ANKFN1: variants seen among roughly 807,000 people sequenced by gnomAD.
ANKFN1 encodes the protein ankyrin repeat and fibronectin type-III domain-containing protein 1.
A neutral mutation model predicts 108.7 loss-of-function variants in ANKFN1; 74 were observed. That is an observed-to-expected ratio of 0.68 (90% CI 0.56 to 0.83). ANKFN1 has a LOEUF of 0.83. ANKFN1 is among the 40% of genes least tolerant of loss of function. The probability of loss-of-function intolerance (pLI) is 0.00; values close to 1 mark genes in which losing one functional copy is unlikely to be tolerated. For synonymous variants in ANKFN1, 547 were observed against 516.2 expected (o/e 1.06, Z -0.81); for missense variants, 1,505 against 1,382.3 (o/e 1.09, Z -1.41).
intron 3 of ANKFN1, among the ~76,000 whole-genome samples, chr17:56,319,557 TC>T (rs2045305251): frequency 1.3e-5 from 2 of 152,104 alleles, no homozygotes; most frequent in Admixed American, 1.3e-4. Context: ...CGCACTACAG[TC>T]CAGATATCCC....
At chr17:56,136,381 G>C (rs1020249681) in intron 4 of ANKFN1, among the ~76,000 whole-genome samples, 1 of 152,192 alleles carries the variant, frequency 6.6e-6, no homozygotes, top group African/African-American at 2.4e-5. Context: ...GCTAGAGACA[G>C]TGTTGAAGAG....
At chr17:56,262,999 T>C (rs1874793252) in intron 3 of ANKFN1, among the ~76,000 whole-genome samples, 1 of 152,228 alleles carries the variant, frequency 6.6e-6, no homozygotes, top group African/African-American at 2.4e-5. Context: ...TGTACATTTG[T>C]GCTCGAATGA....
At chr17:56,310,239 A>T (rs1391642011) in intron 3 of ANKFN1, among the ~76,000 whole-genome samples, 3 of 152,264 alleles carry the variant, frequency 2.0e-5, no homozygotes, top group African/African-American at 7.2e-5. Context: ...TTACCATTTA[A>T]TATTTCCAGA....
At chr17:56,297,916 AC>A (rs2044559539) in intron 3 of ANKFN1, among the ~76,000 whole-genome samples, 1 of 152,206 alleles carries the variant, frequency 6.6e-6, no homozygotes, top group Non-Finnish European at 1.5e-5. Context: ...TAGAAAATAT[AC>A]TTTTATGTAA....
At chr17:56,319,594 A>G (rs1332271304) in intron 3 of ANKFN1, among the ~76,000 whole-genome samples, 1 of 152,218 alleles carries the variant, frequency 6.6e-6, no homozygotes, top group Non-Finnish European at 1.5e-5. Flanking sequence ...TTGAGGTCCA[A>G]TTAGCCACCA....
chr17:56,057,773 A>G (rs1305434452), intron 4 of ANKFN1, among the ~76,000 whole-genome samples: 1 of 110,114 alleles, frequency 9.1e-6, no homozygotes, highest in Non-Finnish European at 1.9e-5. Context: ...CAACAGAGTG[A>G]AACTCTGTCT....
At chr17:56,303,777 C>G (rs184089015) in intron 3 of ANKFN1, among the ~76,000 whole-genome samples, 1 of 151,678 alleles carries the variant, frequency 6.6e-6, no homozygotes, top group Non-Finnish European at 1.5e-5. Context: ...CTCCACCTCC[C>G]GGGTTCAAGT....
chr17:56,214,875 T>A (rs1038823907), intron 2 of ANKFN1, among the ~76,000 whole-genome samples: 1 of 152,182 alleles, frequency 6.6e-6, no homozygotes, highest in Non-Finnish European at 1.5e-5. Flanking sequence ...AAACAAATAA[T>A]ATACAGCTAT....
intron 4 of ANKFN1, among the ~76,000 whole-genome samples, chr17:56,079,020 C>G (rs932029898): frequency 6.6e-6 from 1 of 152,128 alleles, no homozygotes; most frequent in African/African-American, 2.4e-5. Context: ...GCAGAAGACT[C>G]CATCCAAGTT....
At chr17:56,223,336 A>G (rs775451133) in intron 2 of ANKFN1, among the ~76,000 whole-genome samples, 22 of 152,316 alleles carry the variant, frequency 1.4e-4, no homozygotes, top group Non-Finnish European at 2.4e-4. Context: ...ACTTTATTTA[A>G]GTGGGTTTTT....
chr17:56,234,345 T>G (rs1452958890), intron 3 of ANKFN1, among the ~76,000 whole-genome samples: 4 of 77,238 alleles, frequency 5.2e-5, no homozygotes, highest in African/African-American at 1.7e-4. Context: ...CCTTTGGGGT[T>G]TTTTTTTTTA....
chr17:56,074,190 T>G (rs1206428996), intron 4 of ANKFN1, among the ~76,000 whole-genome samples: 1 of 152,176 alleles, frequency 6.6e-6, no homozygotes, highest in Non-Finnish European at 1.5e-5. Flanking sequence ...ATGCAGGGAT[T>G]TTAGTGGCAT....
intron 3 of ANKFN1, among the ~76,000 whole-genome samples, chr17:56,229,702 G>A (rs900763269): frequency 6.7e-6 from 1 of 149,050 alleles, no homozygotes; most frequent in Non-Finnish European, 1.5e-5. Flanking sequence ...GGGTTGGGGG[G>A]TGGCTATTTT....
At chr17:56,401,416 G>C (rs539814327) in intron 8 of ANKFN1, among the ~76,000 whole-genome samples, 27 of 150,852 alleles carry the variant, frequency 1.8e-4, no homozygotes, top group Non-Finnish European at 3.4e-4. Context: ...GTGTTGTACT[G>C]TATTGTATTA....
intron 8 of ANKFN1, among the ~76,000 whole-genome samples, chr17:56,378,602 C>G (rs557096811): frequency 6.6e-6 from 1 of 152,114 alleles, no homozygotes. Flanking sequence ...TGAAGTGATA[C>G]AATTCCACAA....
chr17:56,435,778 A>G (rs1326177300), intron 8 of ANKFN1, among the ~76,000 whole-genome samples: 1 of 151,928 alleles, frequency 6.6e-6, no homozygotes, highest in East Asian at 1.9e-4. Context: ...AATAAAAATT[A>G]ATTAGGCATT....
At chr17:56,065,051 C>T (rs1057492362) in intron 4 of ANKFN1, among the ~76,000 whole-genome samples, 1 of 152,170 alleles carries the variant, frequency 6.6e-6, no homozygotes, top group Non-Finnish European at 1.5e-5. Flanking sequence ...GCTGCCTAGT[C>T]AGTTCTGAGG....
At chr17:56,156,312 T>G (rs1909113297) in intron 1 of ANKFN1, among the ~76,000 whole-genome samples, 1 of 152,184 alleles carries the variant, frequency 6.6e-6, no homozygotes. Flanking sequence ...TGTCTCAAAC[T>G]CCTGGCCTCA....
chr17:56,409,982 T>TA (rs946931504), intron 8 of ANKFN1, among the ~76,000 whole-genome samples: 4 of 152,102 alleles, frequency 2.6e-5, no homozygotes, highest in South Asian at 2.1e-4. Context: ...ATAATTTTTT[T>TA]AAAAAAACTG....
Sources: allele counts gnomAD v4.1 joint callset (sites outside exome capture counted in the v4.1 genomes callset), GRCh38; gene constraint gnomAD v4.1.1; transcripts MANE v1.5; gene names NCBI Gene and HGNC (gene_info 2026-07-23, HGNC 2026-07-21).